Variants in PCCA observed in about 807,000 individuals in gnomAD.
The protein encoded by PCCA is propionyl-CoA carboxylase alpha chain, mitochondrial.
Under a neutral mutation model 101.3 loss-of-function variants are expected in PCCA, and 74 were observed. The ratio of observed to expected loss-of-function variants is 0.73; its 90% confidence interval spans 0.61 to 0.89. PCCA has a LOEUF of 0.89. PCCA is among the 40% of genes least tolerant of loss of function. PCCA has a pLI of 0.00. For missense variants in PCCA, 891 were observed against 907.0 expected (o/e 0.98, Z 0.23); for synonymous variants, 294 against 313.6 (o/e 0.94, Z 0.66).
At chr13:100,393,577 C>A (rs2076913917) in intron 19 of PCCA, among the ~76,000 whole-genome samples, 1 of 151,636 alleles carries the variant, frequency 6.6e-6, no homozygotes, top group African/African-American at 2.4e-5. Flanking sequence ...CGCCACCGTG[C>A]CTGGCTAATT....
intron 18 of PCCA, among the ~76,000 whole-genome samples, chr13:100,340,836 T>C (rs1022237998): frequency 6.6e-6 from 1 of 152,232 alleles, no homozygotes; most frequent in Non-Finnish European, 1.5e-5. Context: ...GTTTACTTGC[T>C]GGAGCAATCC....
chr13:100,451,081 C>G (rs913599135), intron 21 of PCCA, among the ~76,000 whole-genome samples: 3 of 152,214 alleles, frequency 2.0e-5, no homozygotes, highest in Non-Finnish European at 4.4e-5. Context: ...AGTCCAAAGA[C>G]AGTCCACTGG....
At chr13:100,390,645 G>C (rs2076754782) in intron 19 of PCCA, among the ~76,000 whole-genome samples, 1 of 152,190 alleles carries the variant, frequency 6.6e-6, no homozygotes, top group African/African-American at 2.4e-5. Flanking sequence ...TGTTGTTTCA[G>C]AATTTAAAGG....
intron 18 of PCCA, among the ~76,000 whole-genome samples, chr13:100,361,625 A>T (rs1034789689): frequency 1.3e-5 from 2 of 152,136 alleles, no homozygotes; most frequent in African/African-American, 4.8e-5. Context: ...AAAAACTTGA[A>T]TATAAATGGC....
chr13:100,262,491 G>A (rs970624901), intron 9 of PCCA, among the ~76,000 whole-genome samples: 5 of 152,092 alleles, frequency 3.3e-5, no homozygotes, highest in Admixed American at 2.0e-4. Context: ...CTCATCCATG[G>A]TCACAGAGTT....
intron 21 of PCCA, among the ~76,000 whole-genome samples, chr13:100,513,713 T>C (rs557291170): frequency 6.6e-6 from 1 of 152,330 alleles, no homozygotes; most frequent in South Asian, 2.1e-4. Context: ...TTAGGCTTCA[T>C]ATTTTGAAGT....
intron 21 of PCCA, among the ~76,000 whole-genome samples, chr13:100,475,254 C>T (rs1306638806): frequency 1.3e-5 from 2 of 152,152 alleles, no homozygotes; most frequent in Non-Finnish European, 1.5e-5. Flanking sequence ...GTGCTGCCAT[C>T]ACTGTAATAT....
intron 21 of PCCA, among the ~76,000 whole-genome samples, chr13:100,494,292 T>C (rs982869965): frequency 3.3e-5 from 5 of 152,262 alleles, no homozygotes; most frequent in African/African-American, 7.2e-5. Context: ...TGGGTTGTTA[T>C]CTAACAAGAA....
In PCCA at chr13:100,337,875, C is replaced by T. The variant is rs576855485; in HGVS notation, c.1541-2282C>T. 8.5e-5 allele frequency among the ~76,000 whole-genome samples: 13 copies of T among 152,270 alleles called. No homozygotes were observed. The East Asian group carries it at 2.5e-3, about 29-fold the overall frequency. On this transcript the variant is annotated intron_variant, in intron 17 of 23. Transcript: ENST00000376285. ...CCACCATGAGAAATACATTTTACAT[C>T]CTGACATAGTATGCACATATAAACA...
intron 8 of PCCA, among the ~76,000 whole-genome samples, chr13:100,239,449 GTCT>G (rs2060993016): frequency 6.6e-6 from 1 of 152,186 alleles, no homozygotes; most frequent in Non-Finnish European, 1.5e-5. Flanking sequence ...GAAGCAGACA[GTCT>G]CCTATCCTTG....
At chr13:100,373,533 G>A (rs1050125978) in intron 19 of PCCA, among the ~76,000 whole-genome samples, 2 of 152,168 alleles carry the variant, frequency 1.3e-5, no homozygotes, top group Admixed American at 6.5e-5. Context: ...CTTATATGAG[G>A]TACCTGGAGT....
intron 4 of PCCA, among the ~76,000 whole-genome samples, chr13:100,131,384 G>A (rs2050499907): frequency 1.3e-5 from 2 of 152,118 alleles, no homozygotes; most frequent in Non-Finnish European, 2.9e-5. Context: ...AAGAACGAAG[G>A]GTGGTGACCA....
At chr13:100,144,743 G>A (rs891053898) in intron 4 of PCCA, among the ~76,000 whole-genome samples, 1 of 152,182 alleles carries the variant, frequency 6.6e-6, no homozygotes, top group Non-Finnish European at 1.5e-5. Context: ...ATGAGAAAAA[G>A]TTGAAGAGAA....
intron 19 of PCCA, among the ~76,000 whole-genome samples, chr13:100,419,408 G>T (rs893354875): frequency 1.3e-5 from 2 of 151,850 alleles, no homozygotes; most frequent in African/African-American, 4.8e-5. Context: ...GGAGGCGGAG[G>T]CTGCAGTGGG....
chr13:100,181,581 C>G (rs983151279), intron 6 of PCCA, among the ~76,000 whole-genome samples: 3 of 151,910 alleles, frequency 2.0e-5, no homozygotes, highest in African/African-American at 7.3e-5. Context: ...CACCACCATG[C>G]CTGGCTAATT....
intron 6 of PCCA, among the ~76,000 whole-genome samples, chr13:100,201,853 G>A (rs558847195): frequency 8.8e-5 from 5 of 56,732 alleles, no homozygotes; most frequent in South Asian, 9.2e-4. Flanking sequence ...CTGAAACTGC[G>A]TCTCAAAAAA....
chr13:100,189,900 T>A (rs1325734490), intron 6 of PCCA, among the ~76,000 whole-genome samples: 1 of 152,208 alleles, frequency 6.6e-6, no homozygotes, highest in Non-Finnish European at 1.5e-5. Flanking sequence ...CTGGAATCAA[T>A]ATACATGTTG....
intron 16 of PCCA, 151 bp from the exon 17 acceptor site, chr13:100,330,410 A>G: frequency 6.4e-6 from 4 of 628,784 alleles, no homozygotes; most frequent in Non-Finnish European, 1.1e-5. Flanking sequence ...AAGTTCAGAT[A>G]TTTTTTGTTG....
At chr13:100,438,129 C>T (rs1158786156) in intron 20 of PCCA, among the ~76,000 whole-genome samples, 1 of 151,162 alleles carries the variant, frequency 6.6e-6, no homozygotes, top group African/African-American at 2.4e-5. Flanking sequence ...GAAGGCAAAC[C>T]TTGTTGTTTT....
Sources: gnomAD v4.1 joint callset for allele counts (sites outside exome capture counted in the v4.1 genomes callset) on GRCh38, gnomAD v4.1.1 for gene constraint, MANE v1.5 for transcripts, NCBI Gene and HGNC (gene_info 2026-07-23, HGNC 2026-07-21) for gene names.